The following FBXL22 variants were observed in gnomAD, a reference collection of about 807,000 sequenced individuals.
FBXL22 encodes the protein F-box and leucine-rich protein 22.
A neutral mutation model predicts 11.7 loss-of-function variants in FBXL22; 13 were observed. The observed-to-expected ratio is 1.11, with a 90% CI of 0.73 to 1.77. The LOEUF (loss-of-function observed/expected upper bound fraction) is 1.77. FBXL22 is among the 40% of genes most tolerant of loss of function. The pLI is 0.00. For missense variants in FBXL22, 406 were observed against 320.4 expected (o/e 1.27, Z -2.04); for synonymous variants, 160 against 144.1 (o/e 1.11, Z -0.79).
chr15:63,597,636 C>A lies in FBXL22; in HGVS notation c.244C>A (p.Arg82Ser). ...RSLSICWHSSRVQVCSIEDWL... is the reference protein window; with the variant it reads ...RSLSICWHSSSVQVCSIEDWL... ...CCTCTCCATCTGCTGGCACTCCAGC[C>A]GCGTGCAGGTGTGCAGCATTGAGGA... Residue 82 changes from arginine (R) to serine (S), a missense_variant, in exon 1 of 2, where the codon CGC becomes AGC. By Grantham distance (110) the Arg-to-Ser change is moderately radical. Transcript: ENST00000638704. This position sits in a 1 kb window ranked among gnomAD's most constrained non-coding sequence, Gnocchi z 4.3. The A allele has an allele frequency of 6.2e-7, 1 of 1,613,454 alleles. No homozygotes were observed. Among genetic ancestry groups the A allele is most frequent in the Non-Finnish European group, 8.5e-7 (1 of 1,179,988 alleles).
chr15:63,598,710 G>C (rs921328927), intron 1 of FBXL22, among the ~76,000 whole-genome samples: 3 of 152,220 alleles, frequency 2.0e-5, no homozygotes, highest in Admixed American at 2.0e-4. Context: ...CTGGCAGCAC[G>C]ACAGGAGTGG....
At chr15:63,599,267 G>A in intron 1 of FBXL22, 4 of 1,522,372 alleles carry the variant, frequency 2.6e-6, no homozygotes, top group Non-Finnish European at 3.5e-6. Flanking sequence ...GGCTGAGGAT[G>A]GCTGGGCAGG....
chr15:63,599,264 G>A, intron 1 of FBXL22: 1 of 1,524,184 alleles, frequency 6.6e-7, no homozygotes, highest in South Asian at 1.2e-5. Context: ...AATGGCTGAG[G>A]ATGGCTGGGC....
At chr15:63,602,625 T>G (rs1046119258), downstream of FBXL22, among the ~76,000 whole-genome samples, 5 of 148,376 alleles carry the variant, frequency 3.4e-5, no homozygotes, top group Non-Finnish European at 5.9e-5. Flanking sequence ...AGAAAGTATT[T>G]GGAAAAAAGT....
At position 63,597,705 on chromosome 15, in the gene FBXL22, G is replaced by C. The variant is rs572640425; in HGVS notation, c.313G>C (p.Glu105Gln). 25 of 1,597,386 alleles carry C rather than the reference G, an allele frequency of 1.6e-5. No individual in the cohort carries two copies. The highest frequency in any genetic ancestry group is 4.4e-5 in the South Asian group (4 of 90,500). Residue 105 changes from glutamate to glutamine, a missense_variant, in exon 1 of 2, where the codon GAG becomes CAG. Physicochemically the swap from Glu to Gln is conservative, Grantham distance 29. Transcript: ENST00000638704. The surrounding 1 kb of genome is among the most constrained non-coding windows in gnomAD (Gnocchi z 4.3). The part of the protein sequence containing the change: ...AFQRSICSRH[E>Q]SLVNDFLLRV... ...CCAGAGAAGCATCTGCAGCCGGCACGAGAGCCTGGTCAATGATTTCCTCCT... is the reference window on the plus strand; with the variant it reads ...CCAGAGAAGCATCTGCAGCCGGCACCAGAGCCTGGTCAATGATTTCCTCCT...
chr15:63,601,085 C>G lies in FBXL22; in HGVS notation c.*46C>G, dbSNP rs1169491298. 4.7e-6 allele frequency: 6 copies of G among 1,271,478 alleles called. No homozygotes were observed. Among genetic ancestry groups the G allele is most frequent in the Non-Finnish European group, 5.9e-6 (6 of 1,010,410 alleles). 78.8% of individuals were successfully genotyped at this position (1,271,478 alleles called of 1,614,324 possible). Reference sequence around the variant, plus strand: ...CCGGGGAAGGAGCGCAGCCCCAGACCGTCCTGGCTTCGAACCCAGCTCTTC... The same window carrying G: ...CCGGGGAAGGAGCGCAGCCCCAGACGGTCCTGGCTTCGAACCCAGCTCTTC... On this transcript the variant is annotated 3_prime_UTR_variant, in exon 2 of 2. Transcript: ENST00000638704.
chr15:63,600,727 G>A lies in FBXL22; in HGVS notation c.384G>A (p.Ser128=), dbSNP rs1174131003. The stretch of plus-strand genomic sequence containing the variant: ...CCAACCTGGCGTCCGTCACGCTCTC[G>A]GGCTGCGGCCACGTTACCGACGACT... The part of the protein sequence containing the change: ...RCPNLASVTL[S]GCGHVTDDCL... The change falls in exon 2 of 2, where the codon TCG becomes TCA. Residue 128 remains serine, a synonymous_variant. Coordinates refer to ENST00000638704, the MANE Select transcript of FBXL22 (RefSeq NM_001367807.1). 5.6e-5 allele frequency: 69 copies of A among 1,231,348 alleles called. No homozygotes were observed. Among genetic ancestry groups the A allele is most frequent in the Non-Finnish European group, 6.1e-5 (60 of 987,770 alleles). The allele number at this position is 1,231,348 out of a possible 1,614,324, so 76.3% of individuals were successfully genotyped here. A position where few individuals can be genotyped will look rare whatever the true frequency, so the allele number is the denominator to read the frequency against.
intron 1 of FBXL22, chr15:63,599,325 G>T: frequency 1.4e-6 from 2 of 1,455,030 alleles, no homozygotes; most frequent in Non-Finnish European, 1.8e-6. Flanking sequence ...TTATTCCAAA[G>T]ATTCTTAGAA....
chr15:63,608,402 G>C, the FBXL22 span, among the ~76,000 whole-genome samples: 2 of 152,140 alleles, frequency 1.3e-5, no homozygotes, highest in Non-Finnish European at 2.9e-5. Context: ...GGAAAATAGG[G>C]GCTTCCAACC....
Position 63,601,172 on chromosome 15 carries a change from A to C in FBXL22, c.*133A>C. On this transcript the variant is annotated 3_prime_UTR_variant, in exon 2 of 2. Coordinates refer to ENST00000638704, the MANE Select transcript of FBXL22 (RefSeq NM_001367807.1). ...TTTCCCCGTCTGCACAGTGGGGATA[A>C]GAAAGCCTACCTCACGTTACGATTT... 1 of 1,447,836 alleles carries C rather than the reference A, an allele frequency of 6.9e-7. No individual in the cohort carries two copies. Among genetic ancestry groups the C allele is most frequent in the Non-Finnish European group, 9.0e-7 (1 of 1,108,016 alleles). 89.7% of individuals were successfully genotyped at this position (1,447,836 alleles called of 1,614,324 possible). A position where few individuals can be genotyped will look rare whatever the true frequency, so the allele number is the denominator to read the frequency against.
the FBXL22 span, among the ~76,000 whole-genome samples, chr15:63,607,842 A>G: frequency 1.7e-4 from 26 of 151,976 alleles, 1 homozygote; most frequent in Non-Finnish European, 3.5e-4. Context: ...TCCTGCACAC[A>G]CTCCAAGAGG....
At position 63,597,689 on chromosome 15, in the gene FBXL22, C is replaced by T. The variant is rs1191321642; in HGVS notation, c.297C>T (p.Ser99=). Residue 99 remains serine (S), a synonymous_variant, in exon 1 of 2, where the codon AGC becomes AGT. Transcript: ENST00000638704. This position sits in a 1 kb window ranked among gnomAD's most constrained non-coding sequence, Gnocchi z 4.3. ...EDWLKSAFQR[S]ICSRHESLVN... is the part of the protein sequence containing the mutation. ...GGCTCAAGAGTGCCTTCCAGAGAAG[C>T]ATCTGCAGCCGGCACGAGAGCCTGG... is the stretch of plus-strand genomic sequence containing the variant. The T allele has an allele frequency of 1.2e-6, 2 of 1,601,850 alleles. No homozygotes were observed. Among genetic ancestry groups the T allele is most frequent in the Admixed American group, 1.7e-5 (1 of 59,870 alleles).
downstream of FBXL22, chr15:63,601,474 C>T (rs1301589300): frequency 1.3e-5 from 20 of 1,557,206 alleles, no homozygotes; most frequent in Non-Finnish European, 1.7e-5. Context: ...GGGGAGCCTC[C>T]GGGCGGAGCG....
Position 63,597,559 on chromosome 15 carries a change from C to G in FBXL22, c.167C>G (p.Ser56Cys), listed in dbSNP as rs745308830. ...PALWSLLHFR[S>C]LTELQKDNFL... The stretch of plus-strand genomic sequence containing the variant: ...CTCTGGTCCCTGCTGCACTTCCGTT[C>G]CCTCACTGAACTCCAGAAGGACAAC... The change falls in exon 1 of 2, where the codon TCC (serine) becomes TGC (cysteine). Residue 56 changes from serine to cysteine, a missense_variant. Ser to Cys is a moderately radical substitution (Grantham distance 112). Transcript: ENST00000638704. The surrounding 1 kb of genome is among the most constrained non-coding windows in gnomAD (Gnocchi z 4.3). 6.2e-7 allele frequency: 1 copy of G among 1,614,050 alleles called. No individual in the cohort carries two copies. Among genetic ancestry groups the G allele is most frequent in the Non-Finnish European group, 8.5e-7 (1 of 1,180,048 alleles).
chr15:63,607,139 G>C (rs1348205227), downstream of FBXL22, among the ~76,000 whole-genome samples: 1 of 151,562 alleles, frequency 6.6e-6, no homozygotes, highest in Non-Finnish European at 1.5e-5. Flanking sequence ...TCTGCCTCTC[G>C]GGTTCATGCC....
downstream of FBXL22, among the ~76,000 whole-genome samples, chr15:63,605,671 G>T (rs1470507758): frequency 1.3e-5 from 2 of 152,230 alleles, no homozygotes; most frequent in African/African-American, 2.4e-5. Flanking sequence ...ACCCAGAAAT[G>T]GTTTGGGATT....
Position 63,600,727 on chromosome 15 carries a change from G to C in FBXL22, c.384G>C (p.Ser128=), listed in dbSNP as rs1174131003. 4 of 1,231,348 alleles carry C rather than the reference G, an allele frequency of 3.2e-6. No individual in the cohort carries two copies. In the African/African-American group the frequency reaches 4.7e-5, roughly 14 times the overall value. 76.3% of individuals were successfully genotyped at this position (1,231,348 alleles called of 1,614,324 possible). Residue 128 remains serine, a synonymous_variant, in exon 2 of 2, where the codon TCG becomes TCC. Coordinates refer to ENST00000638704, the MANE Select transcript of FBXL22 (RefSeq NM_001367807.1). ...CCAACCTGGCGTCCGTCACGCTCTC[G>C]GGCTGCGGCCACGTTACCGACGACT... ...RCPNLASVTL[S]GCGHVTDDCL...
chr15:63,600,471 C>A, intron 1 of FBXL22: 2 of 1,220,754 alleles, frequency 1.6e-6, no homozygotes, highest in Non-Finnish European at 2.0e-6. Flanking sequence ...GGCTACGAGC[C>A]AAGAACCCAC....
intron 1 of FBXL22, chr15:63,600,325 TCCC>T (rs1159440686): frequency 2.4e-5 from 25 of 1,032,224 alleles, no homozygotes; most frequent in Non-Finnish European, 2.9e-5. Context: ...CAAGCACCGC[TCCC>T]CTGCAAGGCA....
Sources: allele counts gnomAD v4.1 joint callset (sites outside exome capture counted in the v4.1 genomes callset), GRCh38; gene constraint gnomAD v4.1.1; non-coding constraint Gnocchi (gnomAD v3.1); transcripts MANE v1.5; gene names NCBI Gene and HGNC (gene_info 2026-07-23, HGNC 2026-07-21).